Variants in TMEM221 observed in about 807,000 individuals in gnomAD.
TMEM221 encodes transmembrane protein 221.
TMEM221 carries 11 observed loss-of-function variants against 10.2 expected under a neutral mutation model. The observed-to-expected ratio is 1.08, with a 90% CI of 0.68 to 1.79. The LOEUF (loss-of-function observed/expected upper bound fraction) is 1.79. TMEM221 is among the 40% of genes most tolerant of loss of function. The pLI, the probability that TMEM221 is intolerant of heterozygous loss-of-function variation, is 0.00. For synonymous variants in TMEM221, 172 were observed against 199.8 expected (o/e 0.86, Z 1.18); for missense variants, 382 against 417.7 (o/e 0.91, Z 0.75).
chr19:17,439,648 G>A (rs577308460), intron 2 of TMEM221, among the ~76,000 whole-genome samples: 4 of 151,112 alleles, frequency 2.6e-5, no homozygotes, highest in African/African-American at 9.7e-5. Flanking sequence ...AGATCGCGCC[G>A]CTACCCTCTA....
In TMEM221 at chr19:17,448,551, A is replaced by C; in HGVS notation, c.-89T>G. 1.2e-6 allele frequency: 1 copy of C among 859,788 alleles called. No individual in the cohort carries two copies. Among genetic ancestry groups the C allele is most frequent in the Non-Finnish European group, 1.5e-6 (1 of 670,520 alleles). 53.3% of individuals were successfully genotyped at this position (859,788 alleles called of 1,614,324 possible). Reference sequence around the variant, plus strand: ...AGTTGGGGGGAATCCGAGGGTCCTCAGGGGGTCCCCGAGGGGGCGGGGCCG... The same window carrying C: ...AGTTGGGGGGAATCCGAGGGTCCTCCGGGGGTCCCCGAGGGGGCGGGGCCG... On this transcript the variant is annotated 5_prime_UTR_variant, in exon 1 of 3. Transcript: ENST00000341130. This position sits in a 1 kb window ranked among gnomAD's most constrained non-coding sequence, Gnocchi z 4.7.
At chr19:17,440,608 C>G (rs2074928298) in intron 2 of TMEM221, among the ~76,000 whole-genome samples, 1 of 152,022 alleles carries the variant, frequency 6.6e-6, no homozygotes, top group Non-Finnish European at 1.5e-5. Flanking sequence ...ACCTGTAGTC[C>G]CAGCTACATG....
intron 2 of TMEM221, among the ~76,000 whole-genome samples, chr19:17,440,645 G>T (rs1177965414): frequency 6.6e-6 from 1 of 152,132 alleles, no homozygotes; most frequent in East Asian, 1.9e-4. Flanking sequence ...CAGGAGGATT[G>T]CTTGAGCCAG....
chr19:17,436,621 G>T lies in TMEM221; in HGVS notation c.713C>A (p.Ala238Glu), dbSNP rs1188994218. ...DPFGSMATAT[A>E]PAALEGGWES... Reference sequence around the variant, plus strand: ...CCAGCCTCCCTCCAGGGCTGCAGGTGCTGTGGCAGTGGCCATGGACCCAAA... The same window carrying T: ...CCAGCCTCCCTCCAGGGCTGCAGGTTCTGTGGCAGTGGCCATGGACCCAAA... The change falls in exon 3 of 3, where the codon GCA (alanine) becomes GAA (glutamate). Residue 238 changes from alanine (A) to glutamate (E), a missense_variant. By Grantham distance (107) the Ala-to-Glu change is moderately radical. Coordinates refer to ENST00000341130, the MANE Select transcript of TMEM221 (RefSeq NM_001190844.2). 4 of 1,536,016 alleles carry T rather than the reference G, an allele frequency of 2.6e-6. No homozygotes were observed.
chr19:17,444,916 A>G, intron 2 of TMEM221: 1 of 182,706 alleles, frequency 5.5e-6, no homozygotes, highest in Non-Finnish European at 1.1e-5. Context: ...TATTGCTGGG[A>G]TTACAGATGT....
chr19:17,441,227 A>AG (rs1568397627), intron 2 of TMEM221, among the ~76,000 whole-genome samples: 1 of 151,724 alleles, frequency 6.6e-6, no homozygotes, highest in African/African-American at 2.4e-5. Flanking sequence ...AAAAAAAAAA[A>AG]AAGAAGGGAC....
chr19:17,444,055 A>G (rs1285518870), intron 2 of TMEM221, among the ~76,000 whole-genome samples: 1 of 144,030 alleles, frequency 6.9e-6, no homozygotes, highest in African/African-American at 2.6e-5. Context: ...ACTCATTCCA[A>G]CCTGTAAAAT....
In TMEM221 at chr19:17,445,130, G is replaced by A. The variant is rs2074947737; in HGVS notation, c.406+69C>T. 2.9e-6 allele frequency: 4 copies of A among 1,386,198 alleles called. No homozygotes were observed. In the East Asian group the frequency reaches 1.0e-4, roughly 35 times the overall value. 85.9% of individuals were successfully genotyped at this position (1,386,198 alleles called of 1,614,324 possible). On this transcript the variant is annotated intron_variant, in intron 2 of 2. Transcript: ENST00000341130. Reference sequence around the variant, plus strand: ...GAGGCTGTCTGCAGAGTTGATCCCAGTTAGGGGACCATTGCTGCTCTCTAC... The same window carrying A: ...GAGGCTGTCTGCAGAGTTGATCCCAATTAGGGGACCATTGCTGCTCTCTAC...
chr19:17,437,003 CAG>C (rs2074912413), intron 2 of TMEM221, 76 bp from the exon 3 acceptor site: 3 of 1,178,308 alleles, frequency 2.5e-6, no homozygotes, highest in East Asian at 2.9e-5. Context: ...TTCTTGCACA[CAG>C]GGAGAAATTA....
At chr19:17,438,426 G>A (rs532624379) in intron 2 of TMEM221, among the ~76,000 whole-genome samples, 72 of 152,060 alleles carry the variant, frequency 4.7e-4, no homozygotes, top group Non-Finnish European at 5.6e-4. Context: ...GTTTCGCCTT[G>A]TTGCCCAGGC....
chr19:17,441,284 C>T (rs1292149965), intron 2 of TMEM221, among the ~76,000 whole-genome samples: 2 of 151,522 alleles, frequency 1.3e-5, no homozygotes, highest in South Asian at 2.1e-4. Flanking sequence ...CTCCAGCATA[C>T]AGTTGGCACC....
Position 17,448,490 on chromosome 19 carries a change from G to T in TMEM221, c.-28C>A, listed in dbSNP as rs2074962361. ...CGGGGGTTCCTGCGGGCCGGGGGAA[G>T]AGTTGAGGAATTGAAGTGGTTTTAG... is the stretch of plus-strand genomic sequence containing the variant. On this transcript the variant is annotated 5_prime_UTR_variant, in exon 1 of 3. Transcript: ENST00000341130. This position sits in a 1 kb window ranked among gnomAD's most constrained non-coding sequence, Gnocchi z 4.7. The T allele has an allele frequency of 6.9e-7, 1 of 1,447,034 alleles. No individual in the cohort carries two copies. Among genetic ancestry groups the T allele is most frequent in the Admixed American group, 2.6e-5 (1 of 38,530 alleles). The allele number at this position is 1,447,034 out of a possible 1,614,324, so 89.6% of individuals were successfully genotyped here.
intron 2 of TMEM221, among the ~76,000 whole-genome samples, chr19:17,439,697 G>GA (rs71162129): frequency 0.045 from 6,036 of 134,678 alleles, 347 homozygotes; most frequent in African/African-American, 0.14. Flanking sequence ...CGAGAAAAAA[G>GA]AAAAAAAAAA....
At chr19:17,437,423 C>G (rs2074913908) in intron 2 of TMEM221, among the ~76,000 whole-genome samples, 1 of 152,084 alleles carries the variant, frequency 6.6e-6, no homozygotes, top group Admixed American at 6.6e-5. Context: ...GTCCGAGGCT[C>G]AGAAAAAAGC....
chr19:17,445,781 T>C lies in TMEM221; in HGVS notation c.321-497A>G, dbSNP rs566108026. On this transcript the variant is annotated intron_variant, in intron 1 of 2. Coordinates refer to ENST00000341130, the MANE Select transcript of TMEM221 (RefSeq NM_001190844.2). ...ATCCATCCATCCACTTATCCATCCA[T>C]CCATTCACTTATCCATCCATCAAAC... Among the ~76,000 whole-genome samples the C allele has an allele frequency of 2.0e-5, 3 of 151,816 alleles. No individual in the cohort carries two copies. The South Asian group carries it at 6.3e-4, about 32-fold the overall frequency.
rs73923931 is a variant in TMEM221, at chr19:17,441,680, G to A, written c.406+3519C>T. Among the ~76,000 whole-genome samples, 986 of 152,222 alleles carry A rather than the reference G, an allele frequency of 6.5e-3. 7 individuals carry two copies. The highest frequency in any genetic ancestry group is 0.023 in the African/African-American group (938 of 41,534). On this transcript the variant is annotated intron_variant, in intron 2 of 2. Coordinates refer to ENST00000341130, the MANE Select transcript of TMEM221 (RefSeq NM_001190844.2). ...AGATAGATTTTCCTGCAGCGTCTAGGGTATTGGTAGGAGAGGGGCCCAGAA... is the reference window on the plus strand; with the variant it reads ...AGATAGATTTTCCTGCAGCGTCTAGAGTATTGGTAGGAGAGGGGCCCAGAA...
At chr19:17,444,579 A>G (rs12984007) in intron 2 of TMEM221, among the ~76,000 whole-genome samples, 12 of 131,020 alleles carry the variant, frequency 9.2e-5, no homozygotes, top group African/African-American at 3.5e-4. Flanking sequence ...GCTGGAGTGC[A>G]GTGCAGTGGG....
At chr19:17,444,518 CTTT>C (rs71162133) in intron 2 of TMEM221, among the ~76,000 whole-genome samples, 1 of 92,172 alleles carries the variant, frequency 1.1e-5, no homozygotes, top group East Asian at 3.2e-4. Context: ...CATCCACGGG[CTTT>C]TTTTTTTTTT....
chr19:17,441,322 G>A (rs1599618533), intron 2 of TMEM221, among the ~76,000 whole-genome samples: 1 of 151,816 alleles, frequency 6.6e-6, no homozygotes, highest in South Asian at 2.1e-4. Flanking sequence ...ATCGTAGGAC[G>A]TTTAGCAGCT....
Sources: gnomAD v4.1 joint callset for allele counts (sites outside exome capture counted in the v4.1 genomes callset) on GRCh38, gnomAD v4.1.1 for gene constraint, Gnocchi (gnomAD v3.1) non-coding constraint, MANE v1.5 for transcripts, NCBI Gene and HGNC (gene_info 2026-07-23, HGNC 2026-07-21) for gene names.